Variants in CXorf66 observed in about 807,000 individuals in gnomAD.
CXorf66 encodes chromosome X open reading frame 66.
A neutral mutation model predicts 5.0 loss-of-function variants in CXorf66; 6 were observed. The ratio of observed to expected loss-of-function variants is 1.20; its 90% CI spans 0.65 to 2.36. CXorf66 has a LOEUF of 2.36. CXorf66 is among the 30% of genes most tolerant of loss of function. CXorf66 has a pLI of 0.00. For synonymous variants in CXorf66, 98 were observed against 102.8 expected (o/e 0.95, Z 0.28); for missense variants, 270 against 254.9 (o/e 1.06, Z -0.40).
At chrX:139,962,557 C>T (rs1003028629) in intron 1 of CXorf66, among the ~76,000 whole-genome samples, 1 of 111,658 alleles carries the variant, frequency 9.0e-6, no homozygotes, top group African/African-American at 3.3e-5. Context: ...AGGGACTCCT[C>T]CCTAACTCGT....
chrX:139,957,949 G>T, intron 2 of CXorf66, 115 bp downstream of exon 2: 2 of 672,195 alleles, frequency 3.0e-6, no homozygotes, highest in Non-Finnish European at 4.2e-6. Flanking sequence ...ACAAAAGGTT[G>T]GTAGCTCTTC....
In CXorf66 at chrX:139,956,408, A is replaced by G. The variant is rs867472399; in HGVS notation, c.574T>C (p.Cys192Arg). ...AGCTTACACGCATAGTCTAGCTTAC[A>G]TAATTTTTCTAGGCTGCCTTTCTTA... ...AHKKGSLEKL[C>R]KLDYACKLAS... is the part of the protein sequence containing the mutation. The change falls in exon 3 of 3, where the codon TGT becomes CGT. Residue 192 changes from cysteine to arginine, a missense_variant. Coordinates refer to ENST00000370540, the MANE Select transcript of CXorf66 (RefSeq NM_001013403.3). 2 of 1,211,952 alleles carry G rather than the reference A, an allele frequency of 1.7e-6. No individual in the cohort carries two copies. The highest frequency in any genetic ancestry group is 1.7e-5 in the African/African-American group (1 of 57,842).
intron 1 of CXorf66, among the ~76,000 whole-genome samples, chrX:139,965,089 A>AC (rs1301123977): frequency 9.0e-6 from 1 of 111,380 alleles, no homozygotes; most frequent in African/African-American, 3.3e-5. Context: ...AAAAACAAAA[A>AC]ACAAAAATAA....
intron 1 of CXorf66, among the ~76,000 whole-genome samples, chrX:139,961,819 C>T (rs1044573707): frequency 1.8e-5 from 2 of 111,835 alleles, no homozygotes; most frequent in African/African-American, 6.5e-5. Flanking sequence ...TCCTGAATGA[C>T]CGCTGGGTAC....
intron 1 of CXorf66, 92 bp downstream of exon 1, chrX:139,965,317 G>A: frequency 1.7e-6 from 1 of 604,641 alleles, no homozygotes; most frequent in Admixed American, 2.8e-5. Context: ...AGTAACAGCA[G>A]ATTTCTTAAA....
At position 139,965,500 on chromosome X, in the gene CXorf66, C is replaced by T. The variant is rs905014749; in HGVS notation, c.-4G>A. 2.9e-5 allele frequency: 34 copies of T among 1,176,529 alleles called. No homozygotes were observed. Among genetic ancestry groups the T allele is most frequent in the East Asian group, 6.0e-5 (2 of 33,553 alleles). ...GGACACAAATAACAAGATTCATGTC[C>T]GCAACTTGGTTCAAATGATTTGTCT... On this transcript the variant is annotated 5_prime_UTR_variant, in exon 1 of 3. Transcript: ENST00000370540.
rs748190305 is a variant in CXorf66, at chrX:139,963,369, C to A, written c.88+2040G>T. On this transcript the variant is annotated intron_variant, in intron 1 of 2. Coordinates refer to ENST00000370540, the MANE Select transcript of CXorf66 (RefSeq NM_001013403.3). Reference sequence around the variant, plus strand: ...ACAACTTACAAGAGATGTGAAGGAACTCTTCAAGGAGAACTACAAACCACT... The same window carrying A: ...ACAACTTACAAGAGATGTGAAGGAAATCTTCAAGGAGAACTACAAACCACT... Among the ~76,000 whole-genome samples, 389 of 111,534 alleles carry A rather than the reference C, an allele frequency of 3.5e-3. 1 individual carries two copies. The highest frequency in any genetic ancestry group is 0.012 in the African/African-American group (365 of 30,746).
chrX:139,962,707 C>G (rs2085597570), intron 1 of CXorf66, among the ~76,000 whole-genome samples: 2 of 111,740 alleles, frequency 1.8e-5, no homozygotes, highest in Admixed American at 1.9e-4. Context: ...AGCAGCACAT[C>G]AAACAGCTTA....
intron 1 of CXorf66, among the ~76,000 whole-genome samples, chrX:139,964,249 G>A (rs759839369): frequency 1.9e-4 from 21 of 111,674 alleles, no homozygotes; most frequent in Admixed American, 3.8e-4. Context: ...AAAAGTTGGC[G>A]AAGGATACGA....
intron 2 of CXorf66, 135 bp from the exon 3 acceptor site, chrX:139,956,874 C>T (rs926844984): frequency 3.5e-5 from 21 of 603,529 alleles, no homozygotes; most frequent in African/African-American, 6.8e-5. Flanking sequence ...CAGTAAGAAT[C>T]GGAGTGTGAC....
intron 1 of CXorf66, among the ~76,000 whole-genome samples, chrX:139,964,838 C>T (rs1190723585): frequency 1.8e-5 from 2 of 110,492 alleles, no homozygotes; most frequent in Admixed American, 9.8e-5. Flanking sequence ...TTCATTTTCT[C>T]ACTCATAAGT....
chrX:139,959,129 C>T (rs2085584523), intron 1 of CXorf66, among the ~76,000 whole-genome samples: 2 of 111,856 alleles, frequency 1.8e-5, no homozygotes, highest in South Asian at 7.4e-4. Context: ...CTCAGCAGAT[C>T]CGACTCCCAT....
Position 139,956,288 on chromosome X carries a change from C to A in CXorf66, c.694G>T (p.Gly232Cys). ...QNEISPSKPFGPQELAKPPKH... is the reference protein window; with the variant it reads ...QNEISPSKPFCPQELAKPPKH... ...GGAGGCTTAGCCAATTCCTGTGGAC[C>A]GAATGGCTTGGATGGTGAGATTTCA... The change falls in exon 3 of 3, where the codon GGT (glycine) becomes TGT (cysteine). Residue 232 changes from glycine (G) to cysteine (C), a missense_variant. Physicochemically the swap from Gly to Cys is radical, Grantham distance 159. Coordinates refer to ENST00000370540, the MANE Select transcript of CXorf66 (RefSeq NM_001013403.3). 5.8e-6 allele frequency: 7 copies of A among 1,211,375 alleles called. No individual in the cohort carries two copies. Among genetic ancestry groups the A allele is most frequent in the Non-Finnish European group, 7.8e-6 (7 of 895,346 alleles).
Position 139,965,310 on chromosome X carries a change from A to G in CXorf66, c.88+99T>C, listed in dbSNP as rs916966304. 5 of 564,346 alleles carry G rather than the reference A, an allele frequency of 8.9e-6. No individual in the cohort carries two copies. In the Admixed American group the frequency reaches 1.4e-4, roughly 16 times the overall value. 46.5% of individuals were successfully genotyped at this position (564,346 alleles called of 1,213,427 possible). A position where few individuals can be genotyped will look rare whatever the true frequency, so the allele number is the denominator to read the frequency against. On this transcript the variant is annotated intron_variant, in intron 1 of 2. Transcript: ENST00000370540. ...TACTAATGTTAACACTGCTAAAAGTAACAGCAGATTTCTTAAATACAGCTG... is the reference window on the plus strand; with the variant it reads ...TACTAATGTTAACACTGCTAAAAGTGACAGCAGATTTCTTAAATACAGCTG...
chrX:139,965,253 A>G (rs183679302), intron 1 of CXorf66, among the ~76,000 whole-genome samples, 156 bp downstream of exon 1: 91 of 111,726 alleles, frequency 8.1e-4, no homozygotes, highest in African/African-American at 2.6e-3. Flanking sequence ...GTTTTTTAAT[A>G]TCAGCTGTTG....
chrX:139,962,565 C>A (rs766313514), intron 1 of CXorf66, among the ~76,000 whole-genome samples: 1 of 111,642 alleles, frequency 9.0e-6, no homozygotes, highest in East Asian at 2.8e-4. Context: ...CTCCCTAACT[C>A]GTTTTATGAG....
At chrX:139,957,690 T>A (rs1370382864) in intron 2 of CXorf66, among the ~76,000 whole-genome samples, 2 of 111,713 alleles carry the variant, frequency 1.8e-5, no homozygotes, top group Admixed American at 1.9e-4. Flanking sequence ...TGTGATTAAG[T>A]CTTAAAATGG....
At chrX:139,961,932 G>A (rs1271360475) in intron 1 of CXorf66, among the ~76,000 whole-genome samples, 2 of 111,700 alleles carry the variant, frequency 1.8e-5, no homozygotes, top group African/African-American at 6.5e-5. Flanking sequence ...GTGTTAAGTG[G>A]GAAATTTATA....
At chrX:139,964,469 G>A (rs1483623669) in intron 1 of CXorf66, among the ~76,000 whole-genome samples, 2 of 111,727 alleles carry the variant, frequency 1.8e-5, no homozygotes, top group Non-Finnish European at 3.8e-5. Flanking sequence ...TGGTTGGAGT[G>A]TAAATTAGTT....
Sources: allele counts gnomAD v4.1 joint callset (sites outside exome capture counted in the v4.1 genomes callset), GRCh38; gene constraint gnomAD v4.1.1; transcripts MANE v1.5; gene names NCBI Gene and HGNC (gene_info 2026-07-23, HGNC 2026-07-21).